PLA2G4E: variants seen among roughly 807,000 people sequenced by gnomAD.
PLA2G4E encodes cytosolic phospholipase A2 epsilon.
In PLA2G4E, 84 loss-of-function variants were observed where a neutral mutation model predicts 109.1. The ratio of observed to expected loss-of-function variants is 0.77; its 90% CI spans 0.65 to 0.92. The LOEUF (loss-of-function observed/expected upper bound fraction) is 0.92. PLA2G4E is among the 40% of genes least tolerant of loss of function. PLA2G4E has a pLI of 0.00. For missense variants in PLA2G4E, 1,057 were observed against 1,076.6 expected, an observed-to-expected ratio of 0.98 and a Z score of 0.25; for synonymous variants, 469 against 436.1, an observed-to-expected ratio of 1.08 and a Z score of -0.94.
rs766285040 is a variant in PLA2G4E at position 41,990,247 on chromosome 15, CAA to C, written c.1471-14_1471-13del. The stretch of plus-strand genomic sequence containing the variant: ...TTGCATTCATTTCTCTGTGGGGAAA[CAA>C]AATGGTTAAAGAGAAGCAGCAGCCC... On this transcript the variant is annotated splice_polypyrimidine_tract_variant and intron_variant, in intron 13 of 19. Coordinates refer to ENST00000399518, the Ensembl canonical transcript of PLA2G4E. The C allele has an allele frequency of 2.5e-6, 4 of 1,611,844 alleles. No individual in the cohort carries two copies. Among genetic ancestry groups the C allele is most frequent in the South Asian group, 2.2e-5 (2 of 90,956 alleles).
At chr15:42,021,042 T>C (rs903495367) in intron 1 of PLA2G4E, among the ~76,000 whole-genome samples, 1 of 151,878 alleles carries the variant, frequency 6.6e-6, no homozygotes, top group Non-Finnish European at 1.5e-5. Context: ...ACGGCAGCTC[T>C]CCAGCTGGGT....
chr15:42,039,184 T>A (rs1300821598), intron 1 of PLA2G4E, among the ~76,000 whole-genome samples: 1 of 152,190 alleles, frequency 6.6e-6, no homozygotes, highest in Non-Finnish European at 1.5e-5. Flanking sequence ...GCAGTAGTTA[T>A]CCAAAGCTAC....
rs112182916 is a variant in PLA2G4E at position 42,030,419 on chromosome 15, C to G, written c.184-16662G>C. On this transcript the variant is annotated intron_variant, in intron 1 of 19. Transcript: ENST00000399518. The stretch of plus-strand genomic sequence containing the variant: ...CCTCTTTATCTGCGAGGAACAGCCA[C>G]CAGGTTTAGTTTTCTCCAAATACAC... Among the ~76,000 whole-genome samples, 1,042 of 152,310 alleles carry G rather than the reference C, an allele frequency of 6.8e-3. 13 individuals are homozygous for G. The highest frequency in any genetic ancestry group is 0.024 in the African/African-American group (985 of 41,562).
chr15:41,989,255 G>A (rs1041582621), intron 15 of PLA2G4E, among the ~76,000 whole-genome samples, 160 bp downstream of exon 15: 1 of 152,180 alleles, frequency 6.6e-6, no homozygotes, highest in Non-Finnish European at 1.5e-5. Context: ...GAAATTGGGA[G>A]AGCCCCCAGA....
At position 42,024,929 on chromosome 15, in the gene PLA2G4E, G is replaced by T. The variant is rs142892229; in HGVS notation, c.184-11172C>A. 9.5e-3 allele frequency among the ~76,000 whole-genome samples: 1,450 copies of T among 152,200 alleles called. 23 individuals are homozygous for T. The highest frequency in any genetic ancestry group is 0.034 in the African/African-American group (1,394 of 41,546). On this transcript the variant is annotated intron_variant, in intron 1 of 19. Transcript: ENST00000399518. ...TAAGAATTAAAGAGGAGCCAGGCGCGGTGGCTCACGCCTGTAATCCCAGCA... is the reference window on the plus strand; with the variant it reads ...TAAGAATTAAAGAGGAGCCAGGCGCTGTGGCTCACGCCTGTAATCCCAGCA...
intron 1 of PLA2G4E, among the ~76,000 whole-genome samples, chr15:42,047,387 G>C (rs1247801437): frequency 6.6e-6 from 1 of 152,196 alleles, no homozygotes; most frequent in East Asian, 1.9e-4. Flanking sequence ...AGAAGGGCAA[G>C]AGAGCACAAG....
At position 42,042,363 on chromosome 15, in the gene PLA2G4E, T is replaced by C. The variant is rs529980154; in HGVS notation, c.183+8158A>G. 1.0e-4 allele frequency among the ~76,000 whole-genome samples: 15 copies of C among 149,038 alleles called. No individual in the cohort carries two copies. The South Asian group carries it at 3.4e-3, about 33-fold the overall frequency. On this transcript the variant is annotated intron_variant, in intron 1 of 19. Transcript: ENST00000399518. Reference sequence around the variant, plus strand: ...TTCAGGAAGTTATTTCTGGATGATGTTATTGGCAATGTTTATTTTCTCTAT... The same window carrying C: ...TTCAGGAAGTTATTTCTGGATGATGCTATTGGCAATGTTTATTTTCTCTAT...
chr15:42,002,377 T>C (rs1027930108), intron 6 of PLA2G4E, among the ~76,000 whole-genome samples: 21 of 151,892 alleles, frequency 1.4e-4, no homozygotes, highest in Admixed American at 1.2e-3. Context: ...GGTTGTTTTA[T>C]TGGGGAGGCT....
At chr15:41,997,349 AG>A in intron 10 of PLA2G4E, 90 bp from the exon 11 acceptor site, 1 of 1,352,344 alleles carries the variant, frequency 7.4e-7, no homozygotes, top group Non-Finnish European at 9.7e-7. Flanking sequence ...CTAGGCTCAA[AG>A]CCTACTTCTG....
chr15:41,999,598 C>T (rs776214225), intron 9 of PLA2G4E, 37 bp from the exon 10 acceptor site: 1 of 1,605,536 alleles, frequency 6.2e-7, no homozygotes, highest in South Asian at 1.1e-5. Flanking sequence ...TCAGAGGTGA[C>T]AATTCAGAGC....
Position 42,013,677 on chromosome 15 carries a change from A to G in PLA2G4E, c.256+8T>C. ...GCAGAGAAGGAGAGAAGTGAGGTGG[A>G]TACTCACGCATATCAGCCTGCCGGA... On this transcript the variant is annotated splice_region_variant and intron_variant, in intron 2 of 19. Coordinates refer to ENST00000399518, the Ensembl canonical transcript of PLA2G4E. 2 of 1,548,804 alleles carry G rather than the reference A, an allele frequency of 1.3e-6. No individual in the cohort carries two copies. The highest frequency in any genetic ancestry group is 1.2e-5 in the South Asian group (1 of 84,030).
At chr15:42,039,822 C>A (rs571787941) in intron 1 of PLA2G4E, among the ~76,000 whole-genome samples, 222 of 152,148 alleles carry the variant, frequency 1.5e-3, no homozygotes, top group African/African-American at 5.1e-3. Flanking sequence ...ACATACATAC[C>A]TTGTTCTTAA....
At chr15:42,050,371 G>T in intron 1 of PLA2G4E, 1 of 892,284 alleles carries the variant, frequency 1.1e-6, no homozygotes, top group Non-Finnish European at 1.6e-6. Flanking sequence ...GGTGATGGCA[G>T]CAGGGTAAAG....
chr15:42,022,124 A>T (rs1396017045), intron 1 of PLA2G4E, among the ~76,000 whole-genome samples: 2 of 152,164 alleles, frequency 1.3e-5, no homozygotes, highest in African/African-American at 2.4e-5. Flanking sequence ...TGCTGTATAC[A>T]TCCTACTGAG....
intron 13 of PLA2G4E, 23 bp downstream of exon 13, chr15:41,992,713 GC>G: frequency 1.2e-6 from 2 of 1,606,046 alleles, no homozygotes; most frequent in Non-Finnish European, 1.7e-6. Flanking sequence ...GCAGGGTGGG[GC>G]CCAGGAGAAG....
At chr15:41,991,878 A>C (rs538826954) in intron 13 of PLA2G4E, among the ~76,000 whole-genome samples, 1 of 152,324 alleles carries the variant, frequency 6.6e-6, no homozygotes, top group South Asian at 2.1e-4. Context: ...AAAAGTTGTT[A>C]ATCTCGGCTT....
At chr15:42,016,241 C>CTTTT (rs1168452228) in intron 1 of PLA2G4E, among the ~76,000 whole-genome samples, 131 of 104,672 alleles carry the variant, frequency 1.3e-3, no homozygotes, top group Non-Finnish European at 1.6e-3. Context: ...TTTATCTTTA[C>CTTTT]TTTTTTTTTT....
chr15:42,033,110 T>A (rs1009508956), intron 1 of PLA2G4E, among the ~76,000 whole-genome samples: 3 of 152,114 alleles, frequency 2.0e-5, no homozygotes, highest in African/African-American at 7.2e-5. Flanking sequence ...GTGTGTTGTG[T>A]GAGAGTACTT....
chr15:41,987,789 T>C (rs1199571320), intron 16 of PLA2G4E, among the ~76,000 whole-genome samples: 1 of 152,148 alleles, frequency 6.6e-6, no homozygotes, highest in Non-Finnish European at 1.5e-5. Flanking sequence ...CTCCCACGTC[T>C]TAGGCCATAG....
Sources: gnomAD v4.1 joint callset for allele counts (sites outside exome capture counted in the v4.1 genomes callset) on GRCh38, gnomAD v4.1.1 for gene constraint, MANE v1.5 for transcripts, NCBI Gene and HGNC (gene_info 2026-07-23, HGNC 2026-07-21) for gene names.